The following ATP10A variants were observed in gnomAD, a reference collection of about 807,000 sequenced individuals.
The protein encoded by ATP10A is ATPase phospholipid transporting 10A (putative), also known as phospholipid-transporting ATPase VA.
ATP10A carries 111 observed loss-of-function variants against 147.8 expected under a neutral mutation model. The ratio of observed to expected loss-of-function variants is 0.75; its 90% CI spans 0.64 to 0.88. ATP10A has a LOEUF of 0.88. ATP10A is among the 40% of genes least tolerant of loss of function. The pLI is 0.00. For missense variants in ATP10A, 1,927 were observed against 1,959.0 expected, an observed-to-expected ratio of 0.98 and a Z score of 0.31; for synonymous variants, 875 against 841.6, an observed-to-expected ratio of 1.04 and a Z score of -0.69.
At chr15:25,745,070 A>G (rs1887774715) in intron 2 of ATP10A, among the ~76,000 whole-genome samples, 1 of 152,246 alleles carries the variant, frequency 6.6e-6, no homozygotes, top group African/African-American at 2.4e-5. Flanking sequence ...TCACGCCTGT[A>G]ATCCCAGCAC....
At chr15:25,813,408 A>G (rs1400992276) in intron 1 of ATP10A, among the ~76,000 whole-genome samples, 1 of 152,244 alleles carries the variant, frequency 6.6e-6, no homozygotes, top group Non-Finnish European at 1.5e-5. Context: ...ACTTCTCTGC[A>G]TCCTAGAACA....
chr15:25,806,344 G>A (rs1213984330), intron 1 of ATP10A, among the ~76,000 whole-genome samples: 5 of 151,456 alleles, frequency 3.3e-5, no homozygotes. Context: ...ATGGAGTCTT[G>A]CTCTGTCGCC....
intron 15 of ATP10A, 60 bp from the exon 16 acceptor site, chr15:25,687,888 C>T (rs574294574): frequency 6.2e-7 from 1 of 1,609,370 alleles, no homozygotes; most frequent in African/African-American, 1.3e-5. Flanking sequence ...GATTTGTCTT[C>T]TCTTCTCAAA....
chr15:25,779,972 C>T (rs1310941494), intron 2 of ATP10A, among the ~76,000 whole-genome samples: 4 of 152,098 alleles, frequency 2.6e-5, no homozygotes, highest in Non-Finnish European at 5.9e-5. Context: ...GGGCGAGGTG[C>T]GGAGTACCTG....
At chr15:25,757,468 A>C (rs1428335938) in intron 2 of ATP10A, among the ~76,000 whole-genome samples, 3 of 152,172 alleles carry the variant, frequency 2.0e-5, no homozygotes, top group African/African-American at 7.2e-5. Flanking sequence ...AATCTTGAGA[A>C]GATAGAAGGA....
Position 25,701,926 on chromosome 15 carries a change from G to A in ATP10A, c.2750C>T (p.Ala917Val), listed in dbSNP as rs1567312692. The A allele has an allele frequency of 6.2e-7, 1 of 1,601,412 alleles. No individual in the cohort carries two copies. Among genetic ancestry groups the A allele is most frequent in the East Asian group, 2.2e-5 (1 of 44,548 alleles). ...DHDEEVITLN[A>V]TSQEACAALL... is the part of the protein sequence containing the mutation. ...TTGAAACCCACCTACCTGGGAGGTGGCATTCAGGGTGATGACCTCCTCGTC... is the reference window on the plus strand; with the variant it reads ...TTGAAACCCACCTACCTGGGAGGTGACATTCAGGGTGATGACCTCCTCGTC... Residue 917 changes from alanine to valine, a missense_variant, in exon 13 of 21, where the codon GCC becomes GTC. Ala to Val is a moderately conservative substitution (Grantham distance 64, BLOSUM62 0). Coordinates refer to ENST00000555815, the MANE Select transcript of ATP10A (RefSeq NM_024490.4).
Position 25,708,077 on chromosome 15 carries a change from C to T in ATP10A, c.2474G>A (p.Cys825Tyr). ...GGCTTCTAGGTGGCTTTGCAACCAGCAGGCATACTCTTCTTTACTCAGAAC... is the reference window on the plus strand; with the variant it reads ...GGCTTCTAGGTGGCTTTGCAACCAGTAGGCATACTCTTCTTTACTCAGAAC... The part of the protein sequence containing the change: ...KRVLSKEEYA[C>Y]WLQSHLEAES... Residue 825 changes from cysteine to tyrosine, a missense_variant, in exon 12 of 21, where the codon TGC becomes TAC. Cys to Tyr is a radical substitution (Grantham distance 194, BLOSUM62 -2). Coordinates refer to ENST00000555815, the MANE Select transcript of ATP10A (RefSeq NM_024490.4). 1.2e-6 allele frequency: 2 copies of T among 1,614,156 alleles called. No individual in the cohort carries two copies. The highest frequency in any genetic ancestry group is 1.7e-6 in the Non-Finnish European group (2 of 1,180,036).
chr15:25,703,773 A>G (rs1021803060), intron 12 of ATP10A, among the ~76,000 whole-genome samples: 1 of 151,962 alleles, frequency 6.6e-6, no homozygotes. Context: ...ACCCCAGAAG[A>G]CCCCCTCAGG....
chr15:25,741,181 C>T (rs1388278011), intron 2 of ATP10A, among the ~76,000 whole-genome samples: 1 of 152,210 alleles, frequency 6.6e-6, no homozygotes, highest in East Asian at 1.9e-4. Context: ...CCACAGGTTC[C>T]CTGAGCACAG....
chr15:25,716,548 C>A (rs1901821757), intron 9 of ATP10A, among the ~76,000 whole-genome samples, 182 bp downstream of exon 9: 1 of 152,228 alleles, frequency 6.6e-6, no homozygotes. Context: ...GGGGCCAACG[C>A]TGCAGAACCA....
chr15:25,742,253 T>C (rs1021013251), intron 2 of ATP10A, among the ~76,000 whole-genome samples: 8 of 151,904 alleles, frequency 5.3e-5, no homozygotes, highest in African/African-American at 1.4e-4. Context: ...CAGTCCTCTT[T>C]CAGAGTCAGC....
At chr15:25,769,840 C>A (rs1452169165) in intron 2 of ATP10A, among the ~76,000 whole-genome samples, 3 of 152,206 alleles carry the variant, frequency 2.0e-5, no homozygotes, top group Non-Finnish European at 4.4e-5. Flanking sequence ...ATACCTCAGA[C>A]TGTGCCCTTA....
chr15:25,684,835 T>C (rs1899625408), intron 16 of ATP10A, among the ~76,000 whole-genome samples: 1 of 152,184 alleles, frequency 6.6e-6, no homozygotes, highest in South Asian at 2.1e-4. Context: ...GAAAGTGACT[T>C]GTGAAGATCA....
At chr15:25,818,925 C>A (rs572129126) in intron 1 of ATP10A, among the ~76,000 whole-genome samples, 11 of 152,192 alleles carry the variant, frequency 7.2e-5, no homozygotes, top group Admixed American at 1.3e-4. Context: ...TCACTCTATA[C>A]ACAAATCAAG....
chr15:25,807,396 G>C (rs1055277931), intron 1 of ATP10A, among the ~76,000 whole-genome samples: 2 of 152,260 alleles, frequency 1.3e-5, no homozygotes, highest in Non-Finnish European at 2.9e-5. Context: ...ATTAAAGTGA[G>C]CTTCGCTAGC....
intron 1 of ATP10A, among the ~76,000 whole-genome samples, chr15:25,826,946 T>A (rs1892142468): frequency 6.6e-6 from 1 of 152,142 alleles, no homozygotes; most frequent in African/African-American, 2.4e-5. Context: ...ATACACATCA[T>A]AATCAAACTG....
chr15:25,813,529 C>T lies in ATP10A; in HGVS notation c.450-32306G>A, dbSNP rs185845851. Among the ~76,000 whole-genome samples, 506 of 152,162 alleles carry T rather than the reference C, an allele frequency of 3.3e-3. 4 individuals carry two copies. The highest frequency in any genetic ancestry group is 0.012 in the African/African-American group (487 of 41,512). On this transcript the variant is annotated intron_variant, in intron 1 of 20. Coordinates refer to ENST00000555815, the MANE Select transcript of ATP10A (RefSeq NM_024490.4). ...GCAGGCATGCAAAGAAGCAGAAAAACACAACCTACAACAAAGCATCAATCA... is the reference window on the plus strand; with the variant it reads ...GCAGGCATGCAAAGAAGCAGAAAAATACAACCTACAACAAAGCATCAATCA...
intron 1 of ATP10A, among the ~76,000 whole-genome samples, chr15:25,809,778 C>T (rs8041978): frequency 0.55 from 84,121 of 151,838 alleles, 24,399 homozygotes; most frequent in East Asian, 0.8. Flanking sequence ...AACTTAAGCA[C>T]GGGAAGATCC....
intron 7 of ATP10A, among the ~76,000 whole-genome samples, chr15:25,719,231 G>A (rs1014406489): frequency 6.6e-6 from 1 of 152,190 alleles, no homozygotes; most frequent in Non-Finnish European, 1.5e-5. Flanking sequence ...CTGTCAAGAG[G>A]CCGGAGAAGG....
Sources: allele counts gnomAD v4.1 joint callset (sites outside exome capture counted in the v4.1 genomes callset), GRCh38; gene constraint gnomAD v4.1.1; transcripts MANE v1.5; gene names NCBI Gene and HGNC (gene_info 2026-07-23, HGNC 2026-07-21).